The following SLC24A3 variants were observed in gnomAD, a reference collection of about 807,000 sequenced individuals.
SLC24A3 encodes solute carrier family 24 member 3.
SLC24A3 carries 28 observed loss-of-function variants against 75.8 expected under a neutral mutation model. The ratio of observed to expected loss-of-function variants is 0.37; its 90% CI spans 0.27 to 0.51. SLC24A3 has a LOEUF of 0.51. Ranked by LOEUF, SLC24A3 falls within the 20% of genes least tolerant of loss-of-function variation. The pLI is 0.94. For synonymous variants in SLC24A3, 372 were observed against 334.1 expected, an observed-to-expected ratio of 1.11 and a Z score of -1.24; for missense variants, 663 against 847.8, an observed-to-expected ratio of 0.78 and a Z score of 2.71.
At chr20:19,660,273 C>G (rs950434684) in intron 7 of SLC24A3, among the ~76,000 whole-genome samples, 17 of 151,950 alleles carry the variant, frequency 1.1e-4, no homozygotes, top group African/African-American at 4.1e-4. Context: ...GTTTTTGTAT[C>G]CCTTGCCCCT....
rs558267081 is a variant in SLC24A3, at chr20:19,228,248, G to C, written c.142+15264G>C. On this transcript the variant is annotated intron_variant, in intron 1 of 16. Coordinates refer to ENST00000328041, the MANE Select transcript of SLC24A3 (RefSeq NM_020689.4). The stretch of plus-strand genomic sequence containing the variant: ...TTTTTTTACTGTTGGAAGACTATGT[G>C]CTGTCCATTGGGGTATGGATCCCCT... Among the ~76,000 whole-genome samples the C allele has an allele frequency of 4.6e-5, 7 of 152,242 alleles. No homozygotes were observed. The South Asian group carries it at 1.5e-3, about 32-fold the overall frequency.
intron 7 of SLC24A3, 69 bp downstream of exon 7, chr20:19,654,205 T>A (rs1198257910): frequency 1.4e-6 from 2 of 1,447,284 alleles, no homozygotes; most frequent in Non-Finnish European, 1.9e-6. Flanking sequence ...GTGAGGCTCC[T>A]CCACATGGAG....
At chr20:19,394,639 G>T (rs1194488272) in intron 2 of SLC24A3, among the ~76,000 whole-genome samples, 1 of 152,174 alleles carries the variant, frequency 6.6e-6, no homozygotes, top group Non-Finnish European at 1.5e-5. Context: ...CTAGGGAAAT[G>T]CAGATCAAAA....
intron 3 of SLC24A3, among the ~76,000 whole-genome samples, chr20:19,571,176 G>A (rs2031046440): frequency 6.6e-6 from 1 of 152,100 alleles, no homozygotes; most frequent in Non-Finnish European, 1.5e-5. Context: ...TCCCACCTGT[G>A]AGGCTGGATG....
rs1981763495 is a variant in SLC24A3 at position 19,222,817 on chromosome 20, G to GTTCCTTCCTTCCTTCCTTCT, written c.142+9842_142+9861dup. Among the ~76,000 whole-genome samples the GTTCCTTCCTTCCTTCCTTCT allele has an allele frequency of 6.1e-5, 3 of 49,166 alleles. No individual in the cohort carries two copies. In the South Asian group the frequency reaches 1.6e-3, roughly 27 times the overall value. The allele number at this position is 49,166 out of a possible 152,430, so 32.3% of individuals were successfully genotyped here. On this transcript the variant is annotated intron_variant, in intron 1 of 16. Coordinates refer to ENST00000328041, the MANE Select transcript of SLC24A3 (RefSeq NM_020689.4). ...CCTTCCTTCCTTCCTTCCTTCCTTC[G>GTTCCTTCCTTCCTTCCTTCT]TTCCTTCCTTCCTTCCTTCTTTCCT...
intron 2 of SLC24A3, among the ~76,000 whole-genome samples, chr20:19,473,847 G>A (rs3790221): frequency 0.86 from 130,757 of 152,264 alleles, 56,553 homozygotes; most frequent in African/African-American, 0.95. Context: ...ACTGTCCTTT[G>A]CAATCAGATC....
At chr20:19,510,421 GTTATGGTCTCTCC>G (rs1988519475) in intron 2 of SLC24A3, among the ~76,000 whole-genome samples, 1 of 152,192 alleles carries the variant, frequency 6.6e-6, no homozygotes, top group Non-Finnish European at 1.5e-5. Context: ...GTGTGTATAA[GTTATGGTCTCTCC>G]TTTCCTGCAA....
chr20:19,335,383 T>G (rs1181670552), intron 2 of SLC24A3, among the ~76,000 whole-genome samples: 1 of 152,220 alleles, frequency 6.6e-6, no homozygotes, highest in African/African-American at 2.4e-5. Flanking sequence ...AATTGCTAAT[T>G]AATGAAATTC....
At chr20:19,645,136 A>G (rs1352436673) in intron 6 of SLC24A3, among the ~76,000 whole-genome samples, 1 of 152,240 alleles carries the variant, frequency 6.6e-6, no homozygotes, top group Non-Finnish European at 1.5e-5. Flanking sequence ...GTTAATAAGG[A>G]AACACATATA....
At chr20:19,387,945 AT>A (rs1422637490) in intron 2 of SLC24A3, among the ~76,000 whole-genome samples, 3 of 151,872 alleles carry the variant, frequency 2.0e-5, no homozygotes, top group Non-Finnish European at 2.9e-5. Context: ...ATTGTTTTTA[AT>A]TTTTTTAATT....
chr20:19,710,446 C>T (rs2032975806), intron 15 of SLC24A3, among the ~76,000 whole-genome samples: 1 of 152,212 alleles, frequency 6.6e-6, no homozygotes, highest in Non-Finnish European at 1.5e-5. Flanking sequence ...CTCCTGTTTC[C>T]TCCACAACAA....
At chr20:19,702,636 A>T (rs1025057798) in intron 15 of SLC24A3, among the ~76,000 whole-genome samples, 1 of 139,480 alleles carries the variant, frequency 7.2e-6, no homozygotes, top group Non-Finnish European at 1.6e-5. Flanking sequence ...AAAAAAAAAA[A>T]TCATTTTATG....
At chr20:19,448,516 C>T (rs537708230) in intron 2 of SLC24A3, among the ~76,000 whole-genome samples, 1 of 152,296 alleles carries the variant, frequency 6.6e-6, no homozygotes, top group East Asian at 1.9e-4. Flanking sequence ...ACCCTCGAAT[C>T]ACAGCGTCCA....
At chr20:19,488,086 A>G (rs1184154906) in intron 2 of SLC24A3, among the ~76,000 whole-genome samples, 1 of 151,478 alleles carries the variant, frequency 6.6e-6, no homozygotes, top group Non-Finnish European at 1.5e-5. Context: ...GGGCTGGTCA[A>G]GAGAGACTTT....
Position 19,681,864 on chromosome 20 carries a change from C to T in SLC24A3, c.774C>T (p.Asn258=), listed in dbSNP as rs769970914. The change falls in exon 10 of 17, where the codon AAC becomes AAT. Residue 258 remains asparagine, a synonymous_variant. Coordinates refer to ENST00000328041, the MANE Select transcript of SLC24A3 (RefSeq NM_020689.4). ...YLIYIVIMKY[N]ACIHQCFERR... is the part of the protein sequence containing the mutation. Reference sequence around the variant, plus strand: ...CACTTGTCGCTTTGCTCAGATATAACGCTTGCATACATCAGTGCTTTGAGA... The same window carrying T: ...CACTTGTCGCTTTGCTCAGATATAATGCTTGCATACATCAGTGCTTTGAGA... 3.4e-5 allele frequency: 55 copies of T among 1,614,086 alleles called. No individual in the cohort carries two copies. In the Middle Eastern group the frequency reaches 4.9e-4, roughly 15 times the overall value.
At position 19,304,335 on chromosome 20, in the gene SLC24A3, G is replaced by A. The variant is rs77607562; in HGVS notation, c.271+23248G>A. ...ATTGAGAGGCTCAGGGGCAATTTGC[G>A]TAACTTCTCGTAGTTTCCTCATCTT... On this transcript the variant is annotated intron_variant, in intron 2 of 16. Coordinates refer to ENST00000328041, the MANE Select transcript of SLC24A3 (RefSeq NM_020689.4). Among the ~76,000 whole-genome samples the A allele has an allele frequency of 4.6e-5, 7 of 152,148 alleles. No homozygotes were observed. The East Asian group carries it at 5.8e-4, about 13-fold the overall frequency.
At chr20:19,300,558 G>A (rs140791994) in intron 2 of SLC24A3, among the ~76,000 whole-genome samples, 101 of 152,328 alleles carry the variant, frequency 6.6e-4, no homozygotes, top group African/African-American at 2.4e-3. Flanking sequence ...TGCCAGTGTG[G>A]TCTGGTTTGT....
At chr20:19,560,240 C>T (rs928128707) in intron 3 of SLC24A3, among the ~76,000 whole-genome samples, 11 of 152,126 alleles carry the variant, frequency 7.2e-5, no homozygotes, top group African/African-American at 2.2e-4. Context: ...CTCGATCCTG[C>T]GGAAGAGTCT....
intron 2 of SLC24A3, among the ~76,000 whole-genome samples, chr20:19,425,000 A>T (rs1305374255): frequency 6.6e-6 from 1 of 152,062 alleles, no homozygotes; most frequent in Admixed American, 6.6e-5. Context: ...CCCGCAAAAC[A>T]TACCCGCTAA....
Sources: allele counts gnomAD v4.1 joint callset (sites outside exome capture counted in the v4.1 genomes callset), GRCh38; gene constraint gnomAD v4.1.1; transcripts MANE v1.5; gene names NCBI Gene and HGNC (gene_info 2026-07-23, HGNC 2026-07-21).